Variants in FOXP1 observed in about 807,000 individuals in gnomAD.
FOXP1 encodes forkhead box P1.
FOXP1 carries 15 observed loss-of-function variants against 98.2 expected under a neutral mutation model. That is an observed-to-expected ratio of 0.15 (90% CI 0.10 to 0.24). FOXP1 has a LOEUF of 0.24. FOXP1 is among the 10% of genes least tolerant of loss of function. The pLI is 1.00. For missense variants in FOXP1, 633 were observed against 848.5 expected, an observed-to-expected ratio of 0.75 and a Z score of 3.15; for synonymous variants, 371 against 314.5, an observed-to-expected ratio of 1.18 and a Z score of -1.90.
chr3:71,056,904 G>A (rs187993502), intron 7 of FOXP1, among the ~76,000 whole-genome samples: 8 of 152,022 alleles, frequency 5.3e-5, no homozygotes, highest in East Asian at 1.9e-4. Flanking sequence ...AATTCCCAAC[G>A]TCCAACTTTT....
intron 3 of FOXP1, among the ~76,000 whole-genome samples, chr3:71,472,441 CTTTTT>C: frequency 6.7e-6 from 1 of 148,414 alleles, no homozygotes; most frequent in East Asian, 2.0e-4. Flanking sequence ...CATACTTTTC[CTTTTT>C]TTTTTTCTAT....
chr3:71,039,584 G>A (rs2048057949), intron 11 of FOXP1, among the ~76,000 whole-genome samples: 1 of 152,104 alleles, frequency 6.6e-6, no homozygotes, highest in South Asian at 2.1e-4. Flanking sequence ...TACCTTAAGT[G>A]CATCAGTCGG....
intron 3 of FOXP1, among the ~76,000 whole-genome samples, chr3:71,385,944 G>C (rs1200937840): frequency 6.6e-6 from 1 of 152,064 alleles, no homozygotes; most frequent in Non-Finnish European, 1.5e-5. Context: ...AAAAGACTCT[G>C]CCTGAAATTA....
chr3:71,348,506 AGTGTGTGTGTGTGTGCGTGTGTGT>A (rs2077514286), intron 4 of FOXP1, among the ~76,000 whole-genome samples: 3 of 90,460 alleles, frequency 3.3e-5, no homozygotes, highest in Admixed American at 3.1e-4. Context: ...TGCTGTGTTC[AGTGTGTGTGTGTGTGCGTGTGTGT>A]GTGTGTGTGT....
At chr3:70,963,831 AC>A (rs2034137907) in intron 20 of FOXP1, among the ~76,000 whole-genome samples, 1 of 152,208 alleles carries the variant, frequency 6.6e-6, no homozygotes, top group Admixed American at 6.5e-5. Context: ...CAAAGGACGA[AC>A]GAAACGTAGT....
At chr3:70,994,166 C>T (rs912994674) in intron 13 of FOXP1, among the ~76,000 whole-genome samples, 1 of 151,556 alleles carries the variant, frequency 6.6e-6, no homozygotes, top group African/African-American at 2.4e-5. Flanking sequence ...AGGAGCTCAA[C>T]AGCTGGCCAG....
At chr3:71,375,837 G>A (rs557737592) in intron 3 of FOXP1, among the ~76,000 whole-genome samples, 16 of 152,258 alleles carry the variant, frequency 1.1e-4, no homozygotes, top group Non-Finnish European at 2.1e-4. Context: ...GGTAAAAGTC[G>A]CTTTACAGCT....
intron 11 of FOXP1, among the ~76,000 whole-genome samples, chr3:71,031,337 G>A (rs1039704971): frequency 2.0e-5 from 3 of 152,184 alleles, no homozygotes; most frequent in Admixed American, 2.0e-4. Context: ...CTGTCTATTT[G>A]TTTAGGGAAG....
Position 71,174,519 on chromosome 3 carries a change from T to C in FOXP1, c.180+23683A>G, listed in dbSNP as rs186319449. On this transcript the variant is annotated intron_variant, in intron 6 of 20. Transcript: ENST00000649528. ...ATGTATGAATTGTTGTTGTTAATAG[T>C]GTCAGTACCATAGAAATAAAATTCC... Among the ~76,000 whole-genome samples the C allele has an allele frequency of 2.6e-4, 40 of 152,298 alleles. 3 individuals carry two copies. The highest frequency in any genetic ancestry group is 8.5e-4 in the Admixed American group (13 of 15,302).
chr3:71,264,544 T>C (rs1271743684), intron 5 of FOXP1, among the ~76,000 whole-genome samples: 2 of 152,196 alleles, frequency 1.3e-5, no homozygotes, highest in Non-Finnish European at 2.9e-5. Flanking sequence ...TCAGAAAACA[T>C]TGCCACTTGG....
intron 11 of FOXP1, among the ~76,000 whole-genome samples, chr3:71,023,176 G>A (rs950182154): frequency 6.6e-6 from 1 of 152,166 alleles, no homozygotes; most frequent in Non-Finnish European, 1.5e-5. Flanking sequence ...CAGGCACCGA[G>A]CATACTCATC....
intron 5 of FOXP1, among the ~76,000 whole-genome samples, chr3:71,222,650 C>A (rs1461482665): frequency 6.6e-6 from 1 of 152,182 alleles, no homozygotes; most frequent in African/African-American, 2.4e-5. Context: ...AACTCCTGAC[C>A]TCAGGTTATC....
At chr3:71,179,292 C>A (rs527760314) in intron 6 of FOXP1, among the ~76,000 whole-genome samples, 77 of 152,006 alleles carry the variant, frequency 5.1e-4, no homozygotes, top group Non-Finnish European at 9.1e-4. Flanking sequence ...CCACGCCCAG[C>A]TAATTTTTTT....
intron 6 of FOXP1, among the ~76,000 whole-genome samples, chr3:71,178,606 G>A (rs941812871): frequency 3.9e-5 from 6 of 151,928 alleles, no homozygotes; most frequent in Non-Finnish European, 5.9e-5. Context: ...AAAATTGGCC[G>A]GGTGCGGTGT....
At chr3:71,272,310 C>T (rs1281968626) in intron 5 of FOXP1, among the ~76,000 whole-genome samples, 1 of 152,180 alleles carries the variant, frequency 6.6e-6, no homozygotes, top group East Asian at 1.9e-4. Flanking sequence ...GCACAATTTT[C>T]TCTCAGCAGT....
chr3:71,549,765 T>C (rs1434189214), intron 2 of FOXP1, among the ~76,000 whole-genome samples: 1 of 148,088 alleles, frequency 6.8e-6, no homozygotes, highest in East Asian at 2.0e-4. Flanking sequence ...ATTTCAACTG[T>C]AACATCAAAT....
intron 19 of FOXP1, among the ~76,000 whole-genome samples, chr3:70,967,333 T>A (rs191216161): frequency 1.6e-4 from 25 of 152,330 alleles, no homozygotes; most frequent in Non-Finnish European, 3.7e-4. Context: ...GCTTTCTAGG[T>A]ACAAGCCCTG....
chr3:71,134,950 T>C (rs2059745016), intron 6 of FOXP1, among the ~76,000 whole-genome samples: 1 of 152,112 alleles, frequency 6.6e-6, no homozygotes, highest in Non-Finnish European at 1.5e-5. Flanking sequence ...TAGACAATCC[T>C]ACCTTCTTCT....
chr3:71,154,067 C>A (rs2060704287), intron 6 of FOXP1, among the ~76,000 whole-genome samples: 1 of 150,568 alleles, frequency 6.6e-6, no homozygotes, highest in Non-Finnish European at 1.5e-5. Flanking sequence ...TTTGTTTTTC[C>A]CCTTTGCATT....
Sources: allele counts gnomAD v4.1 joint callset (sites outside exome capture counted in the v4.1 genomes callset), GRCh38; gene constraint gnomAD v4.1.1; transcripts MANE v1.5; gene names NCBI Gene and HGNC (gene_info 2026-07-23, HGNC 2026-07-21).